Variants in EIF2B3 observed in about 807,000 individuals in gnomAD.
EIF2B3 encodes the protein eukaryotic translation initiation factor 2B subunit gamma.
EIF2B3 carries 20 observed loss-of-function variants against 54.1 expected under a neutral mutation model. The observed-to-expected ratio is 0.37, with a 90% confidence interval of 0.26 to 0.54. EIF2B3 has a LOEUF of 0.54. Among genes scored for constraint, EIF2B3 ranks in the 20% least tolerant of loss-of-function variants. EIF2B3 has a pLI of 0.86. For missense variants in EIF2B3, 448 were observed against 547.8 expected, an observed-to-expected ratio of 0.82 and a Z score of 1.82; for synonymous variants, 153 against 188.1, an observed-to-expected ratio of 0.81 and a Z score of 1.52.
intron 6 of EIF2B3, among the ~76,000 whole-genome samples, chr1:44,890,372 ATATGT>A (rs1283739266): frequency 7.2e-5 from 11 of 152,210 alleles, no homozygotes. Context: ...TAGTTTATAC[ATATGT>A]TATGTGTGTG....
At chr1:44,858,532 C>T (rs1488164479) in intron 10 of EIF2B3, among the ~76,000 whole-genome samples, 2 of 151,938 alleles carry the variant, frequency 1.3e-5, no homozygotes, top group African/African-American at 4.8e-5. Flanking sequence ...TGTAGTGGCA[C>T]GATCTTGGCT....
rs1241945955 is a variant in EIF2B3 at position 44,936,189 on chromosome 1, T to C, written c.454+5317A>G. ...GGTTTCTGGGTCTTGCTTACACTTC[T>C]AAGTTGTCCATTTCTTTCCTGAGAA... On this transcript the variant is annotated intron_variant, in intron 4 of 11. Coordinates refer to ENST00000360403, the MANE Select transcript of EIF2B3 (RefSeq NM_020365.5). Among the ~76,000 whole-genome samples, 5 of 152,298 alleles carry C rather than the reference T, an allele frequency of 3.3e-5. No individual in the cohort carries two copies. The East Asian group carries it at 9.6e-4, about 29-fold the overall frequency.
intron 5 of EIF2B3, among the ~76,000 whole-genome samples, chr1:44,923,011 A>C (rs1435682416): frequency 6.6e-6 from 1 of 151,820 alleles, no homozygotes; most frequent in African/African-American, 2.4e-5. Context: ...ATGCCTGGCT[A>C]ATTCTTTTTC....
chr1:44,874,638 C>T (rs1333747316), intron 10 of EIF2B3, 40 bp downstream of exon 10: 4 of 1,602,336 alleles, frequency 2.5e-6, no homozygotes, highest in South Asian at 2.2e-5. Context: ...AGGCATTTTT[C>T]CATTATCTTT....
At chr1:44,974,555 A>C (rs1257290509) in intron 3 of EIF2B3, among the ~76,000 whole-genome samples, 4 of 151,552 alleles carry the variant, frequency 2.6e-5, no homozygotes, top group Admixed American at 1.3e-4. Flanking sequence ...GTTACTTGGG[A>C]GCCTGAGGTG....
At chr1:44,882,880 G>T (rs1655450260) in intron 6 of EIF2B3, among the ~76,000 whole-genome samples, 1 of 150,294 alleles carries the variant, frequency 6.7e-6, no homozygotes, top group African/African-American at 2.5e-5. Context: ...CTCTTAAAGT[G>T]CTGGGATTAC....
intron 4 of EIF2B3, among the ~76,000 whole-genome samples, chr1:44,940,967 A>G (rs1644014598): frequency 6.8e-6 from 1 of 147,656 alleles, no homozygotes; most frequent in Non-Finnish European, 1.5e-5. Flanking sequence ...GCTCACTGCA[A>G]CCTCCCCTTC....
chr1:44,858,469 T>A (rs1344439069), intron 10 of EIF2B3, among the ~76,000 whole-genome samples: 1 of 152,072 alleles, frequency 6.6e-6, no homozygotes, highest in Non-Finnish European at 1.5e-5. Context: ...CCATACTCAT[T>A]CAAAAAAATT....
Position 44,874,338 on chromosome 1 carries a change from T to G in EIF2B3, c.1202+340A>C, listed in dbSNP as rs148933133. ...AATAAATCTTTCCTGGATTCTTTGGTTTTGTTCCAGTTTGGATTAACTAAT... is the reference window on the plus strand; with the variant it reads ...AATAAATCTTTCCTGGATTCTTTGGGTTTGTTCCAGTTTGGATTAACTAAT... On this transcript the variant is annotated intron_variant, in intron 10 of 11. Transcript: ENST00000360403. Among the ~76,000 whole-genome samples the G allele has an allele frequency of 4.5e-3, 686 of 152,314 alleles. 5 individuals are homozygous for G. Among genetic ancestry groups the G allele is most frequent in the African/African-American group, 0.016 (651 of 41,562 alleles).
chr1:44,952,653 C>A (rs893358530), intron 3 of EIF2B3, among the ~76,000 whole-genome samples: 1 of 151,116 alleles, frequency 6.6e-6, no homozygotes, highest in Non-Finnish European at 1.5e-5. Flanking sequence ...CCCGGGTTCA[C>A]GCCATTCTCC....
intron 4 of EIF2B3, among the ~76,000 whole-genome samples, chr1:44,929,542 A>C (rs1643879214): frequency 6.6e-6 from 1 of 152,236 alleles, no homozygotes; most frequent in Non-Finnish European, 1.5e-5. Flanking sequence ...GCCAATCTGA[A>C]GCTAAATTTT....
At chr1:44,906,103 C>T (rs946282272) in intron 5 of EIF2B3, among the ~76,000 whole-genome samples, 2 of 152,212 alleles carry the variant, frequency 1.3e-5, no homozygotes, top group Admixed American at 6.5e-5. Context: ...GCCCATACAA[C>T]TCTGGGTGGG....
chr1:44,955,055 A>G (rs917860722), intron 3 of EIF2B3, among the ~76,000 whole-genome samples: 2 of 152,188 alleles, frequency 1.3e-5, no homozygotes, highest in Non-Finnish European at 2.9e-5. Flanking sequence ...CCAGTCTTGC[A>G]TCCCAGGGAT....
chr1:44,979,945 G>A (rs1440125785), intron 2 of EIF2B3, among the ~76,000 whole-genome samples: 2 of 152,048 alleles, frequency 1.3e-5, no homozygotes, highest in Admixed American at 6.6e-5. Flanking sequence ...CAGCCTGGGC[G>A]ACAGGGTGAG....
rs139671661 is a variant in EIF2B3 at position 44,968,014 on chromosome 1, G to A, written c.294+10301C>T. ...GATTGTGCCACTGCACTCCAGCCTG[G>A]GCGACAGAGTGAGACTCCATTTTGA... On this transcript the variant is annotated intron_variant, in intron 3 of 11. Coordinates refer to ENST00000360403, the MANE Select transcript of EIF2B3 (RefSeq NM_020365.5). Among the ~76,000 whole-genome samples the A allele has an allele frequency of 6.3e-4, 96 of 151,664 alleles. 2 individuals are homozygous for A. In the East Asian group the frequency reaches 0.015, roughly 24 times the overall value.
intron 3 of EIF2B3, among the ~76,000 whole-genome samples, chr1:44,956,336 G>A (rs1459223101): frequency 2.6e-5 from 4 of 152,068 alleles, no homozygotes; most frequent in Non-Finnish European, 5.9e-5. Context: ...GACATAGGGA[G>A]AGGAACATCA....
intron 6 of EIF2B3, among the ~76,000 whole-genome samples, chr1:44,883,589 A>C (rs957642744): frequency 7.9e-5 from 12 of 152,234 alleles, no homozygotes; most frequent in Admixed American, 3.3e-4. Flanking sequence ...ATCCCCAACC[A>C]ATCAGCAGCA....
At chr1:44,895,721 G>A (rs1232906966) in intron 6 of EIF2B3, among the ~76,000 whole-genome samples, 1 of 152,068 alleles carries the variant, frequency 6.6e-6, no homozygotes, top group Non-Finnish European at 1.5e-5. Context: ...GAGAGAAACG[G>A]TGGCATATAT....
chr1:44,881,728 G>C lies in EIF2B3; in HGVS notation c.668C>G (p.Ser223Cys), dbSNP rs768003569. 7 of 1,614,116 alleles carry C rather than the reference G, an allele frequency of 4.3e-6. No homozygotes were observed. The highest frequency in any genetic ancestry group is 5.9e-6 in the Non-Finnish European group (7 of 1,179,978). The change falls in exon 7 of 12, where the codon TCT becomes TGT. Residue 223 changes from serine (S) to cysteine (C), a missense_variant. Ser to Cys is a moderately radical substitution (Grantham distance 112). This residue lies in a region of EIF2B3 where 350 missense variants were observed against 414.2 expected (regional missense o/e 0.85). Transcript: ENST00000360403. The surrounding 1 kb of genome is among the most constrained non-coding windows in gnomAD (Gnocchi z 4.0). ...DFLMENGSIT[S>C]IRSELIPYLV... ...ATATGGAATCAGTTCACTCCGGATA[G>C]AAGTTATTGACCTAGAAAGAAAGAA...
Sources: allele counts gnomAD v4.1 joint callset (sites outside exome capture counted in the v4.1 genomes callset), GRCh38; gene constraint gnomAD v4.1.1; regional missense constraint gnomAD v4.1.1; non-coding constraint Gnocchi (gnomAD v3.1); transcripts MANE v1.5; gene names NCBI Gene and HGNC (gene_info 2026-07-23, HGNC 2026-07-21).